PTPN14: variants seen among roughly 807,000 people sequenced by gnomAD.
PTPN14 encodes the protein tyrosine-protein phosphatase non-receptor type 14.
PTPN14 carries 53 observed loss-of-function variants against 126.8 expected under a neutral mutation model. The ratio of observed to expected loss-of-function variants is 0.42; its 90% confidence interval spans 0.34 to 0.53. The LOEUF (loss-of-function observed/expected upper bound fraction) is 0.53, where lower values mean the gene tolerates loss of function less well. Among genes scored for constraint, PTPN14 ranks in the 20% least tolerant of loss-of-function variants. PTPN14 has a pLI of 0.08. For missense variants in PTPN14, 1,257 were observed against 1,552.9 expected, an observed-to-expected ratio of 0.81 and a Z score of 3.20; for synonymous variants, 630 against 599.3, an observed-to-expected ratio of 1.05 and a Z score of -0.75.
At chr1:214,419,786 T>C (rs1659503385) in intron 3 of PTPN14, among the ~76,000 whole-genome samples, 1 of 152,094 alleles carries the variant, frequency 6.6e-6, no homozygotes, top group African/African-American at 2.4e-5. Flanking sequence ...GAGATACCCA[T>C]AGGAAGGAAC....
intron 3 of PTPN14, among the ~76,000 whole-genome samples, chr1:214,422,461 A>G (rs962438797): frequency 2.0e-5 from 3 of 152,146 alleles, no homozygotes; most frequent in Middle Eastern, 3.2e-3. Context: ...TCCCTCTTAC[A>G]CTAGCAATAA....
chr1:214,501,365 G>A (rs1272311833), intron 1 of PTPN14, among the ~76,000 whole-genome samples: 1 of 151,874 alleles, frequency 6.6e-6, no homozygotes, highest in Non-Finnish European at 1.5e-5. Flanking sequence ...TCAGCCTCCC[G>A]AGTGGCTGGG....
chr1:214,464,189 T>C (rs1660573586), intron 2 of PTPN14, among the ~76,000 whole-genome samples: 1 of 145,022 alleles, frequency 6.9e-6, no homozygotes, highest in Non-Finnish European at 1.5e-5. Context: ...GGGTTTTTTT[T>C]TTTTTAGAGG....
chr1:214,363,050 T>C (rs114741439), intron 18 of PTPN14, among the ~76,000 whole-genome samples: 343 of 152,302 alleles, frequency 2.3e-3, no homozygotes, highest in African/African-American at 7.6e-3. Context: ...TCTAGAGACC[T>C]CTAGTAGTGA....
At chr1:214,366,695 C>CTTTTTTTTTAAAGA (rs1366079688) in intron 17 of PTPN14, among the ~76,000 whole-genome samples, 9 of 152,156 alleles carry the variant, frequency 5.9e-5, no homozygotes, top group Non-Finnish European at 1.3e-4. Flanking sequence ...ATAATACATA[C>CTTTTTTTTTAAAGA]ATTTACATTC....
chr1:214,521,935 GC>G (rs1655269048), intron 1 of PTPN14, among the ~76,000 whole-genome samples: 3 of 131,372 alleles, frequency 2.3e-5, no homozygotes, highest in Middle Eastern at 4.1e-3. Context: ...TAAATCTGAA[GC>G]TTTTTTTTTT....
chr1:214,374,860 A>G (rs537488649), intron 15 of PTPN14, among the ~76,000 whole-genome samples: 1 of 152,366 alleles, frequency 6.6e-6, no homozygotes, highest in East Asian at 1.9e-4. Flanking sequence ...AGATCTGGCC[A>G]AAAGAAGAAG....
intron 1 of PTPN14, among the ~76,000 whole-genome samples, chr1:214,469,294 A>G (rs1197875335): frequency 6.6e-6 from 1 of 152,230 alleles, no homozygotes; most frequent in African/African-American, 2.4e-5. Context: ...TCTTTTAGCC[A>G]TTCACACAGG....
chr1:214,390,582 C>T (rs1467117821), intron 11 of PTPN14, among the ~76,000 whole-genome samples: 2 of 152,112 alleles, frequency 1.3e-5, no homozygotes, highest in African/African-American at 4.8e-5. Context: ...ATTTAGAAGG[C>T]ATTTTCTCAC....
At chr1:214,476,030 C>T (rs1660859213) in intron 1 of PTPN14, among the ~76,000 whole-genome samples, 1 of 152,200 alleles carries the variant, frequency 6.6e-6, no homozygotes, top group East Asian at 1.9e-4. Context: ...TATCTTTGCT[C>T]ACCCACAGCG....
intron 5 of PTPN14, 88 bp from the exon 6 acceptor site, chr1:214,403,041 G>T: frequency 7.6e-7 from 1 of 1,314,432 alleles, no homozygotes; most frequent in Non-Finnish European, 1.1e-6. Flanking sequence ...TTCCTCAGAT[G>T]TTCCTGATTA....
At chr1:214,406,479 A>C (rs1428160640) in intron 5 of PTPN14, among the ~76,000 whole-genome samples, 1 of 144,468 alleles carries the variant, frequency 6.9e-6, no homozygotes, top group Admixed American at 6.9e-5. Context: ...AGATTGTCTG[A>C]AAAAAAAAAA....
chr1:214,456,942 T>C (rs545406059), intron 2 of PTPN14, among the ~76,000 whole-genome samples: 2 of 152,348 alleles, frequency 1.3e-5, no homozygotes, highest in South Asian at 2.1e-4. Context: ...TACACATATA[T>C]ACTGACGTGA....
In PTPN14 at chr1:214,375,995, G is replaced by A. The variant is rs558428616; in HGVS notation, c.2907+224C>T. 4.6e-5 allele frequency among the ~76,000 whole-genome samples: 7 copies of A among 152,080 alleles called. No individual in the cohort carries two copies. The South Asian group carries it at 6.2e-4, about 14-fold the overall frequency. ...CTGTAATGAGCGAGCTTCAGAAATC[G>A]CTGACCTGAAGTTCTTCCTGAGGCT... On this transcript the variant is annotated intron_variant, in intron 15 of 18. Coordinates refer to ENST00000366956, the MANE Select transcript of PTPN14 (RefSeq NM_005401.5).
chr1:214,398,798 A>G (rs1429739604), intron 7 of PTPN14, among the ~76,000 whole-genome samples: 1 of 146,472 alleles, frequency 6.8e-6, no homozygotes, highest in Non-Finnish European at 1.5e-5. Flanking sequence ...ACGTAGTCTC[A>G]CTCTGTTGCC....
In PTPN14 at chr1:214,413,453, C is replaced by T. The variant is rs922674057; in HGVS notation, c.442+1176G>A. Among the ~76,000 whole-genome samples, 7 of 152,122 alleles carry T rather than the reference C, an allele frequency of 4.6e-5. No homozygotes were observed. In the East Asian group the frequency reaches 1.2e-3, roughly 25 times the overall value. ...ATGAAAGAGGTCAGGAGAAGGGCTG[C>T]CTCTTCAGACACTTAAATCTGAGAT... On this transcript the variant is annotated intron_variant, in intron 4 of 18. Transcript: ENST00000366956.
intron 1 of PTPN14, among the ~76,000 whole-genome samples, chr1:214,500,862 G>A (rs1310821256): frequency 6.6e-6 from 1 of 152,160 alleles, no homozygotes; most frequent in Non-Finnish European, 1.5e-5. Flanking sequence ...TCATTAACAT[G>A]AAGAAAAGGC....
intron 11 of PTPN14, among the ~76,000 whole-genome samples, chr1:214,387,588 A>G (rs1032865612): frequency 3.3e-5 from 5 of 150,250 alleles, no homozygotes; most frequent in African/African-American, 9.7e-5. Flanking sequence ...CTGAGGCGTG[A>G]GAGTCGTTGA....
intron 15 of PTPN14, 53 bp from the exon 16 acceptor site, chr1:214,372,892 C>G: frequency 6.2e-7 from 1 of 1,603,890 alleles, no homozygotes; most frequent in South Asian, 1.1e-5. Context: ...GACAACATTA[C>G]CTGCTGATCA....
Sources: gnomAD v4.1 joint callset for allele counts (sites outside exome capture counted in the v4.1 genomes callset) on GRCh38, gnomAD v4.1.1 for gene constraint, MANE v1.5 for transcripts, NCBI Gene and HGNC (gene_info 2026-07-23, HGNC 2026-07-21) for gene names.